The following RASGEF1C variants were observed in gnomAD, a reference collection of about 807,000 sequenced individuals.
RASGEF1C encodes the protein RasGEF domain family member 1C.
RASGEF1C carries 27 observed loss-of-function variants against 58.1 expected under a neutral mutation model. The observed-to-expected ratio is 0.46, with a 90% CI of 0.34 to 0.64. RASGEF1C has a LOEUF of 0.64. Ranked by LOEUF, RASGEF1C falls within the 30% of genes least tolerant of loss-of-function variation. RASGEF1C has a pLI of 0.01. For synonymous variants in RASGEF1C, 243 were observed against 246.3 expected (o/e 0.99, Z 0.13); for missense variants, 502 against 605.1 (o/e 0.83, Z 1.79).
rs1009371610 is a variant in RASGEF1C, at chr5:180,195,709, C to T, written c.-7+13319G>A. 1.4e-4 allele frequency among the ~76,000 whole-genome samples: 21 copies of T among 151,830 alleles called. 1 individual carries two copies. The highest frequency in any genetic ancestry group is 4.6e-4 in the Admixed American group (7 of 15,242). ...CCCGGGAGGCGGAGCTTGCAGTGAG[C>T]CGAGATCACACCACTACTGCACTCC... On this transcript the variant is annotated intron_variant, in intron 1 of 13. Transcript: ENST00000361132.
At chr5:180,205,711 TATA>T (rs999846639) in intron 1 of RASGEF1C, among the ~76,000 whole-genome samples, 21 of 84,376 alleles carry the variant, frequency 2.5e-4, no homozygotes, top group South Asian at 1.0e-3. Flanking sequence ...TTGCCATTAT[TATA>T]ATATTATTAT....
rs750054140 is a variant in RASGEF1C, at chr5:180,119,347, G to A, written c.906C>T (p.Ile302=). ...IGNFNSLMAI[I]SGMNMSPVSR... ...CACAGGCCAGGCCGGCCCACTCACAGATGATGGCCATGAGGGAGTTGAAGT... is the reference window on the plus strand; with the variant it reads ...CACAGGCCAGGCCGGCCCACTCACAAATGATGGCCATGAGGGAGTTGAAGT... The change falls in exon 8 of 14, where the codon ATC becomes ATT. Residue 302 remains isoleucine, a splice_region_variant and synonymous_variant. Coordinates refer to ENST00000361132, the MANE Select transcript of RASGEF1C (RefSeq NM_175062.4). 5 of 1,612,864 alleles carry A rather than the reference G, an allele frequency of 3.1e-6. No homozygotes were observed. Among genetic ancestry groups the A allele is most frequent in the African/African-American group, 2.7e-5 (2 of 74,922 alleles).
In RASGEF1C at chr5:180,137,905, G is replaced by C. The variant is rs376119349; in HGVS notation, c.148C>G (p.Leu50Val). The change falls in exon 2 of 14, where the codon CTG (leucine) becomes GTG (valine). Residue 50 changes from leucine (L) to valine (V), a missense_variant. Physicochemically the swap from Leu to Val is conservative, Grantham distance 32. Transcript: ENST00000361132. The surrounding 1 kb of genome is among the most constrained non-coding windows in gnomAD (Gnocchi z 4.1). ...SASLETLIQHLVPTADYYPEK... is the reference protein window; with the variant it reads ...SASLETLIQHVVPTADYYPEK... ...GGGTAGTAGTCGGCTGTGGGCACCA[G>C]GTGCTGGATCAGTGTTTCCAGGGAG... is the stretch of plus-strand genomic sequence containing the variant. The C allele has an allele frequency of 6.2e-7, 1 of 1,613,096 alleles. No homozygotes were observed. Among genetic ancestry groups the C allele is most frequent in the Non-Finnish European group, 8.5e-7 (1 of 1,179,846 alleles).
At chr5:180,122,704 G>C (rs1350211055) in intron 6 of RASGEF1C, among the ~76,000 whole-genome samples, 1 of 142,954 alleles carries the variant, frequency 7.0e-6, no homozygotes, top group Non-Finnish European at 1.5e-5. Flanking sequence ...TTGTGCCACC[G>C]CACTCCAGCC....
At position 180,119,357 on chromosome 5, in the gene RASGEF1C, A is replaced by G; in HGVS notation, c.896T>C (p.Met299Thr). 2 of 1,613,722 alleles carry G rather than the reference A, an allele frequency of 1.2e-6. No homozygotes were observed. Among genetic ancestry groups the G allele is most frequent in the African/African-American group, 1.3e-5 (1 of 75,054 alleles). The change falls in exon 8 of 14, where the codon ATG becomes ACG. Residue 299 changes from methionine to threonine, a missense_variant. Transcript: ENST00000361132. ...CFNIGNFNSL[M>T]AIISGMNMSP... is the part of the protein sequence containing the mutation. The stretch of plus-strand genomic sequence containing the variant: ...GCCGGCCCACTCACAGATGATGGCC[A>G]TGAGGGAGTTGAAGTTGCCGATGTT...
At chr5:180,207,391 A>G (rs1422816976) in intron 1 of RASGEF1C, among the ~76,000 whole-genome samples, 2 of 152,230 alleles carry the variant, frequency 1.3e-5, no homozygotes, top group Non-Finnish European at 2.9e-5. Context: ...CACGCCCCAC[A>G]CTAAGCCCGG....
At chr5:180,132,554 G>T (rs921312218) in intron 4 of RASGEF1C, among the ~76,000 whole-genome samples, 5 of 152,226 alleles carry the variant, frequency 3.3e-5, no homozygotes, top group African/African-American at 1.2e-4. Flanking sequence ...AGCTCGTGAG[G>T]CTCCTAGGGG....
chr5:180,179,933 A>G lies in RASGEF1C; in HGVS notation c.-7+29095T>C, dbSNP rs144871870. ...ATTCCTGGCTTTGCGTCCGTCAACG[A>G]GTTTTTATTACTTTTACCAACAGAA... On this transcript the variant is annotated intron_variant, in intron 1 of 13. Transcript: ENST00000361132. 6.7e-3 allele frequency among the ~76,000 whole-genome samples: 1,022 copies of G among 152,218 alleles called. 9 individuals carry two copies. The highest frequency in any genetic ancestry group is 0.016 in the Admixed American group (244 of 15,276).
At chr5:180,176,973 C>T (rs1372874401) in intron 1 of RASGEF1C, among the ~76,000 whole-genome samples, 2 of 152,216 alleles carry the variant, frequency 1.3e-5, no homozygotes, top group Non-Finnish European at 2.9e-5. Context: ...CATGTCTCCC[C>T]CTGGCATAAC....
intron 1 of RASGEF1C, among the ~76,000 whole-genome samples, chr5:180,169,825 C>G (rs1344444109): frequency 2.1e-5 from 3 of 140,832 alleles, no homozygotes; most frequent in Non-Finnish European, 1.6e-5. Flanking sequence ...CCTCTCTGGC[C>G]CAGCCTCAGT....
Position 180,111,340 on chromosome 5 carries a change from C to T in RASGEF1C, c.1303+117G>A, listed in dbSNP as rs148756496. 3.6e-4 allele frequency: 507 copies of T among 1,390,544 alleles called. 3 individuals are homozygous for T. The East Asian group carries it at 0.011, about 29-fold the overall frequency. The allele number at this position is 1,390,544 out of a possible 1,614,324, so 86.1% of individuals were successfully genotyped here. On this transcript the variant is annotated intron_variant, in intron 12 of 13. Coordinates refer to ENST00000361132, the MANE Select transcript of RASGEF1C (RefSeq NM_175062.4). Reference sequence around the variant, plus strand: ...CCTCCTTGTTCCCTCCCGGAGCCAGCCCAGGTGGGCAGGGTGCATCCCTAA... The same window carrying T: ...CCTCCTTGTTCCCTCCCGGAGCCAGTCCAGGTGGGCAGGGTGCATCCCTAA...
intron 7 of RASGEF1C, 43 bp from the exon 8 acceptor site, chr5:180,119,491 C>A: frequency 1.3e-6 from 2 of 1,502,364 alleles, no homozygotes; most frequent in East Asian, 2.3e-5. Context: ...CACGCCTCCA[C>A]CCTGCCCTGA....
chr5:180,115,356 C>T (rs1582263109), intron 10 of RASGEF1C: 3 of 410,572 alleles, frequency 7.3e-6, no homozygotes, highest in East Asian at 7.1e-5. Context: ...GATCTGATCC[C>T]GATGCACTTA....
At position 180,137,632 on chromosome 5, in the gene RASGEF1C, C is replaced by G. The variant is rs890412596; in HGVS notation, c.258G>C (p.Leu86=). 2 of 1,612,222 alleles carry G rather than the reference C, an allele frequency of 1.2e-6. No homozygotes were observed. Among genetic ancestry groups the G allele is most frequent in the Non-Finnish European group, 1.7e-6 (2 of 1,179,888 alleles). ...PRELLARVCH[L]CIEQQQLDKP... ...TGTCCAGCTGCTGCTGCTCGATGCA[C>G]AGGTGGCAGACCCGGGCCAGGAGCT... Residue 86 remains leucine, a synonymous_variant, in exon 3 of 14, where the codon CTG becomes CTC. Coordinates refer to ENST00000361132, the MANE Select transcript of RASGEF1C (RefSeq NM_175062.4). This position sits in a 1 kb window ranked among gnomAD's most constrained non-coding sequence, Gnocchi z 4.1.
intron 1 of RASGEF1C, among the ~76,000 whole-genome samples, chr5:180,175,710 A>G (rs1767213367): frequency 6.6e-6 from 1 of 152,252 alleles, no homozygotes; most frequent in African/African-American, 2.4e-5. Context: ...TTAAAAATGT[A>G]TTCAAAGGGC....
chr5:180,105,561 C>CAA (rs139192683), intron 12 of RASGEF1C, among the ~76,000 whole-genome samples: 2 of 117,948 alleles, frequency 1.7e-5, no homozygotes, highest in Admixed American at 9.1e-5. Context: ...GACTCTGTCT[C>CAA]AAAAAAAAAA....
rs893413747 is a variant in RASGEF1C, at chr5:180,197,208, G to A, written c.-7+11820C>T. 2.6e-5 allele frequency among the ~76,000 whole-genome samples: 4 copies of A among 152,206 alleles called. No homozygotes were observed. Among genetic ancestry groups the A allele is most frequent in the Admixed American group, 2.0e-4 (3 of 15,292 alleles). ...GGAAGCAGGGGTGCATCAGGCACAC[G>A]GGAGCTCTCTGCCTTGCCTCCCTCA... On this transcript the variant is annotated intron_variant, in intron 1 of 13. Coordinates refer to ENST00000361132, the MANE Select transcript of RASGEF1C (RefSeq NM_175062.4). This position sits in a 1 kb window ranked among gnomAD's most constrained non-coding sequence, Gnocchi z 4.7.
At chr5:180,141,911 T>C (rs184856112) in intron 1 of RASGEF1C, among the ~76,000 whole-genome samples, 1 of 152,238 alleles carries the variant, frequency 6.6e-6, no homozygotes, top group African/African-American at 2.4e-5. Context: ...GGTTTCACCA[T>C]GTTAGCCAGG....
chr5:180,199,774 C>T (rs941140169), intron 1 of RASGEF1C, among the ~76,000 whole-genome samples: 26 of 147,666 alleles, frequency 1.8e-4, no homozygotes, highest in Non-Finnish European at 3.4e-4. Context: ...AAGCGATTCT[C>T]CCACCACAGC....
Sources: gnomAD v4.1 joint callset for allele counts (sites outside exome capture counted in the v4.1 genomes callset) on GRCh38, gnomAD v4.1.1 for gene constraint, Gnocchi (gnomAD v3.1) non-coding constraint, MANE v1.5 for transcripts, NCBI Gene and HGNC (gene_info 2026-07-23, HGNC 2026-07-21) for gene names.